Variants in LRRC37A2 observed in about 807,000 individuals in gnomAD.
LRRC37A2 encodes the protein leucine-rich repeat-containing protein 37A2.
LRRC37A2 carries 9 observed loss-of-function variants against 68.8 expected under a neutral mutation model. The observed-to-expected ratio is 0.13, with a 90% confidence interval of 0.08 to 0.23. LRRC37A2 has a LOEUF of 0.23. Among genes scored for constraint, LRRC37A2 ranks in the 10% least tolerant of loss-of-function variants. LRRC37A2 has a pLI of 1.00. For missense variants in LRRC37A2, 168 were observed against 950.4 expected (o/e 0.18, Z 10.82); for synonymous variants, 63 against 367.6 (o/e 0.17, Z 9.48).
chr17:46,876,483 A>T, the LRRC37A2 span: 1 of 1,613,622 alleles, frequency 6.2e-7, no homozygotes, highest in Non-Finnish European at 8.5e-7. Context: ...AGGTCTGGGG[A>T]CCTGGTGTAC....
At chr17:46,888,118 G>A in the LRRC37A2 span, among the ~76,000 whole-genome samples, 1 of 152,144 alleles carries the variant, frequency 6.6e-6, no homozygotes, top group Non-Finnish European at 1.5e-5. Context: ...TTTCACAAGC[G>A]GGAGTGTGCT....
At chr17:46,545,079 A>G (rs1427982532) in intron 8 of LRRC37A2, among the ~76,000 whole-genome samples, 1 of 135,678 alleles carries the variant, frequency 7.4e-6, no homozygotes, top group Non-Finnish European at 1.6e-5. Flanking sequence ...TCGTAACCGC[A>G]GATGGCCTGT....
the LRRC37A2 span, among the ~76,000 whole-genome samples, chr17:46,752,782 CTTTT>C: frequency 2.3e-4 from 34 of 150,604 alleles, no homozygotes; most frequent in Non-Finnish European, 4.6e-4. Flanking sequence ...CTTTTTTTTT[CTTTT>C]GAGACGGAGT....
At chr17:46,923,408 T>A in the LRRC37A2 span, 1 of 1,447,434 alleles carries the variant, frequency 6.9e-7, no homozygotes, top group Non-Finnish European at 9.1e-7. Flanking sequence ...GACAGTGGGT[T>A]CAGGCTGGGG....
At chr17:46,945,472 C>G in the LRRC37A2 span, among the ~76,000 whole-genome samples, 3 of 152,166 alleles carry the variant, frequency 2.0e-5, no homozygotes, top group African/African-American at 4.8e-5. Flanking sequence ...GGCGTAGAAT[C>G]CTGACTTTGC....
At chr17:46,915,433 C>A in the LRRC37A2 span, among the ~76,000 whole-genome samples, 1 of 152,196 alleles carries the variant, frequency 6.6e-6, no homozygotes, top group East Asian at 1.9e-4. Flanking sequence ...CCCAGAATTT[C>A]ACTTCTTTCA....
At chr17:46,585,161 A>T in the LRRC37A2 span, among the ~76,000 whole-genome samples, 1 of 142,438 alleles carries the variant, frequency 7.0e-6, no homozygotes, top group Non-Finnish European at 1.5e-5. Flanking sequence ...CATTAAAAAT[A>T]AAAAAATTAG....
the LRRC37A2 span, among the ~76,000 whole-genome samples, chr17:46,781,838 C>T: frequency 6.6e-6 from 1 of 152,234 alleles, no homozygotes; most frequent in Non-Finnish European, 1.5e-5. Flanking sequence ...CTAATTCCCT[C>T]TTCCTCTATA....
chr17:46,919,752 G>A, the LRRC37A2 span, among the ~76,000 whole-genome samples: 1 of 152,120 alleles, frequency 6.6e-6, no homozygotes, highest in Admixed American at 6.6e-5. Context: ...TTCGAGACCA[G>A]CCTGACCAAC....
the LRRC37A2 span, among the ~76,000 whole-genome samples, chr17:46,976,572 A>G: frequency 6.6e-5 from 10 of 151,898 alleles, no homozygotes; most frequent in Non-Finnish European, 8.8e-5. Context: ...AAACCAAAAA[A>G]ACAAATTTAA....
chr17:46,985,128 C>T, the LRRC37A2 span, among the ~76,000 whole-genome samples: 12 of 152,168 alleles, frequency 7.9e-5, no homozygotes, highest in African/African-American at 2.7e-4. Context: ...GCATCTGGTA[C>T]GGAATTGAAA....
chr17:46,984,510 A>G, the LRRC37A2 span, among the ~76,000 whole-genome samples: 1 of 152,132 alleles, frequency 6.6e-6, no homozygotes, highest in African/African-American at 2.4e-5. Flanking sequence ...CCTCAGGGAC[A>G]AGTCTGCATT....
chr17:46,902,453 G>A, the LRRC37A2 span, among the ~76,000 whole-genome samples: 1 of 128,278 alleles, frequency 7.8e-6, no homozygotes, highest in Non-Finnish European at 1.6e-5. Flanking sequence ...CTCGATAAGG[G>A]AACAGTGCGT....
At chr17:46,936,546 T>G in the LRRC37A2 span, 19 of 985,508 alleles carry the variant, frequency 1.9e-5, no homozygotes, top group Non-Finnish European at 2.2e-5. Context: ...GTCGGGATTT[T>G]CCACCTACAC....
At chr17:46,769,088 G>A in the LRRC37A2 span, among the ~76,000 whole-genome samples, 1 of 152,134 alleles carries the variant, frequency 6.6e-6, no homozygotes, top group South Asian at 2.1e-4. Flanking sequence ...AGGCTGAGGC[G>A]GGAGGATCAC....
chr17:46,383,188 CT>C, the LRRC37A2 span, among the ~76,000 whole-genome samples: 1 of 151,906 alleles, frequency 6.6e-6, no homozygotes, highest in African/African-American at 2.4e-5. Flanking sequence ...CTGTAACATG[CT>C]GTACAGGTTT....
the LRRC37A2 span, among the ~76,000 whole-genome samples, chr17:46,817,161 C>T: frequency 6.6e-6 from 1 of 152,342 alleles, no homozygotes; most frequent in African/African-American, 2.4e-5. Flanking sequence ...GACACAAATG[C>T]TGCCATCCCC....
chr17:46,499,429 A>C, the LRRC37A2 span, among the ~76,000 whole-genome samples: 1 of 150,486 alleles, frequency 6.6e-6, no homozygotes, highest in East Asian at 1.9e-4. Flanking sequence ...CGCAGGAGTC[A>C]ACTCTGAAAA....
chr17:46,834,272 C>T, the LRRC37A2 span, among the ~76,000 whole-genome samples: 2 of 152,200 alleles, frequency 1.3e-5, no homozygotes, highest in African/African-American at 2.4e-5. Flanking sequence ...GACGGATTTG[C>T]CAACTCTCAG....
Sources: allele counts gnomAD v4.1 joint callset (sites outside exome capture counted in the v4.1 genomes callset), GRCh38; gene constraint gnomAD v4.1.1; transcripts MANE v1.5; gene names NCBI Gene and HGNC (gene_info 2026-07-23, HGNC 2026-07-21).